The following HS6ST3 variants were observed in gnomAD, a reference collection of about 807,000 sequenced individuals.
HS6ST3 encodes the protein heparan sulfate 6-O-sulfotransferase 3.
A neutral mutation model predicts 36.7 loss-of-function variants in HS6ST3; 12 were observed. That is an observed-to-expected ratio of 0.33 (90% confidence interval 0.21 to 0.53). The LOEUF is 0.53. Among genes scored for constraint, HS6ST3 ranks in the 20% least tolerant of loss-of-function variants. The pLI is 0.95. For missense variants in HS6ST3, 584 were observed against 640.9 expected, an observed-to-expected ratio of 0.91 and a Z score of 0.96; for synonymous variants, 240 against 257.5, an observed-to-expected ratio of 0.93 and a Z score of 0.65.
At chr13:96,561,240 A>G (rs2056260953) in intron 1 of HS6ST3, among the ~76,000 whole-genome samples, 2 of 152,212 alleles carry the variant, frequency 1.3e-5, no homozygotes, top group South Asian at 4.1e-4. Context: ...ACACACCCAC[A>G]GCCATCTGAT....
intron 1 of HS6ST3, among the ~76,000 whole-genome samples, chr13:96,745,763 A>G (rs1324765814): frequency 6.6e-6 from 1 of 151,926 alleles, no homozygotes; most frequent in Non-Finnish European, 1.5e-5. Context: ...TTTGATATGC[A>G]CTCCTAGAGC....
At chr13:96,552,448 T>C (rs555280289) in intron 1 of HS6ST3, among the ~76,000 whole-genome samples, 54 of 152,298 alleles carry the variant, frequency 3.5e-4, no homozygotes, top group African/African-American at 1.2e-3. Context: ...AGTGGTCACA[T>C]CTGTGGTCAG....
intron 1 of HS6ST3, among the ~76,000 whole-genome samples, chr13:96,696,626 C>T (rs28542210): frequency 2.6e-5 from 4 of 152,120 alleles, no homozygotes; most frequent in Non-Finnish European, 2.9e-5. Flanking sequence ...AGTGTGTTTC[C>T]GGGAGGTCTG....
At chr13:96,099,885 A>G (rs2053809535) in intron 1 of HS6ST3, among the ~76,000 whole-genome samples, 1 of 152,226 alleles carries the variant, frequency 6.6e-6, no homozygotes, top group Non-Finnish European at 1.5e-5. Context: ...GAAACTTCAA[A>G]TGTGAAAATA....
intron 1 of HS6ST3, among the ~76,000 whole-genome samples, chr13:96,537,966 A>G (rs1462517035): frequency 5.3e-5 from 8 of 152,204 alleles, no homozygotes. Context: ...AGAGGTGAGC[A>G]TGAGATAAAG....
intron 1 of HS6ST3, among the ~76,000 whole-genome samples, chr13:96,558,974 G>GT (rs977662532): frequency 3.9e-5 from 6 of 151,974 alleles, no homozygotes; most frequent in Non-Finnish European, 7.4e-5. Flanking sequence ...GTGGGCTTGT[G>GT]TTTTTTTAAA....
intron 1 of HS6ST3, among the ~76,000 whole-genome samples, chr13:96,644,160 A>G (rs2056580185): frequency 6.6e-6 from 1 of 151,966 alleles, no homozygotes. Flanking sequence ...GATTATCATT[A>G]TTATCATCAT....
chr13:96,596,656 T>G (rs1350345351), intron 1 of HS6ST3, among the ~76,000 whole-genome samples: 1 of 152,144 alleles, frequency 6.6e-6, no homozygotes, highest in African/African-American at 2.4e-5. Context: ...ATGGCCATTA[T>G]GCTATTATTA....
chr13:96,165,319 C>G (rs950815186), intron 1 of HS6ST3, among the ~76,000 whole-genome samples: 1 of 152,166 alleles, frequency 6.6e-6, no homozygotes, highest in African/African-American at 2.4e-5. Flanking sequence ...TTAGAAGCCC[C>G]ATGGCTTCCC....
At chr13:96,832,364 C>A (rs114182241) in intron 1 of HS6ST3, 126 bp from the exon 2 acceptor site, 2 of 666,468 alleles carry the variant, frequency 3.0e-6, no homozygotes, top group Non-Finnish European at 4.9e-6. Flanking sequence ...CAAATGCAGG[C>A]GAATACTCTC....
chr13:96,240,751 T>G (rs2054556025), intron 1 of HS6ST3, among the ~76,000 whole-genome samples: 1 of 152,226 alleles, frequency 6.6e-6, no homozygotes, highest in Non-Finnish European at 1.5e-5. Context: ...TGGGATGCTA[T>G]TGGAAATTTT....
At chr13:96,562,853 G>A (rs1367026624) in intron 1 of HS6ST3, among the ~76,000 whole-genome samples, 4 of 152,026 alleles carry the variant, frequency 2.6e-5, no homozygotes, top group Non-Finnish European at 5.9e-5. Context: ...AGCTCTGAAA[G>A]CATCTCTGGA....
chr13:96,570,176 A>T (rs1026312697), intron 1 of HS6ST3, among the ~76,000 whole-genome samples: 1 of 152,156 alleles, frequency 6.6e-6, no homozygotes, highest in African/African-American at 2.4e-5. Flanking sequence ...TTTGGTTTAT[A>T]TCCTTTCTGA....
chr13:96,316,889 T>TGCA (rs1555297567), intron 1 of HS6ST3, among the ~76,000 whole-genome samples: 1 of 152,184 alleles, frequency 6.6e-6, no homozygotes, highest in African/African-American at 2.4e-5. Context: ...ATTTTGTGTT[T>TGCA]GCGTAGAAAT....
At chr13:96,142,271 A>G (rs2054035776) in intron 1 of HS6ST3, among the ~76,000 whole-genome samples, 2 of 152,218 alleles carry the variant, frequency 1.3e-5, no homozygotes, top group Admixed American at 6.5e-5. Context: ...TAACAAAACA[A>G]AGTATTCTCT....
chr13:96,838,599 G>A lies in HS6ST3; in HGVS notation c.*5401G>A, dbSNP rs1878994941. 6.6e-6 allele frequency: 1 copy of A among 152,394 alleles called. No individual in the cohort carries two copies. The highest frequency in any genetic ancestry group is 1.5e-5 in the Non-Finnish European group (1 of 68,268). The allele number at this position is 152,394 out of a possible 1,614,324, so 9.4% of individuals were successfully genotyped here. A position where few individuals can be genotyped will look rare whatever the true frequency, so the allele number is the denominator to read the frequency against. On this transcript the variant is annotated 3_prime_UTR_variant, in exon 2 of 2. Transcript: ENST00000376705. ...AGGGTTCTTTCTCCAAGGCACTTTC[G>A]GCCTTCCTTCTTCTCCCCTTCCGCC... is the stretch of plus-strand genomic sequence containing the variant.
intron 1 of HS6ST3, among the ~76,000 whole-genome samples, chr13:96,523,508 A>G (rs917450685): frequency 2.0e-5 from 3 of 152,056 alleles, no homozygotes; most frequent in Non-Finnish European, 4.4e-5. Flanking sequence ...ACACCAGTCA[A>G]ACATAGATTT....
At chr13:96,653,438 T>G (rs1259356473) in intron 1 of HS6ST3, among the ~76,000 whole-genome samples, 1 of 152,082 alleles carries the variant, frequency 6.6e-6, no homozygotes, top group African/African-American at 2.4e-5. Context: ...CAACTCCCAC[T>G]TATGAGTGAG....
In HS6ST3 at chr13:96,713,430, A is replaced by G. The variant is rs545281083; in HGVS notation, c.708-119060A>G. Among the ~76,000 whole-genome samples, 8 of 152,298 alleles carry G rather than the reference A, an allele frequency of 5.3e-5. No homozygotes were observed. The East Asian group carries it at 1.4e-3, about 26-fold the overall frequency. ...AGATTCAGAGATGTTTAAAACACAC[A>G]TTATTTACCTGGCAAGGCTTAATGG... On this transcript the variant is annotated intron_variant, in intron 1 of 1. Coordinates refer to ENST00000376705, the MANE Select transcript of HS6ST3 (RefSeq NM_153456.4).
Sources: allele counts gnomAD v4.1 joint callset (sites outside exome capture counted in the v4.1 genomes callset), GRCh38; gene constraint gnomAD v4.1.1; transcripts MANE v1.5; gene names NCBI Gene and HGNC (gene_info 2026-07-23, HGNC 2026-07-21).